The following IQSEC1 variants were observed in gnomAD, a reference collection of about 807,000 sequenced individuals.
IQSEC1 encodes the protein IQ motif and Sec7 domain ArfGEF 1.
Under a neutral mutation model 91.0 loss-of-function variants are expected in IQSEC1, and 31 were observed. That is an observed-to-expected ratio of 0.34 (90% CI 0.26 to 0.46). The LOEUF (loss-of-function observed/expected upper bound fraction) is 0.46. Among genes scored for constraint, IQSEC1 ranks in the 20% least tolerant of loss-of-function variants. The pLI is 1.00. For missense variants in IQSEC1, 1,388 were observed against 1,575.6 expected, an observed-to-expected ratio of 0.88 and a Z score of 2.02; for synonymous variants, 699 against 662.6, an observed-to-expected ratio of 1.05 and a Z score of -0.84.
intron 1 of IQSEC1, among the ~76,000 whole-genome samples, chr3:13,054,308 A>G (rs961610034): frequency 6.6e-6 from 1 of 152,146 alleles, no homozygotes; most frequent in Non-Finnish European, 1.5e-5. Flanking sequence ...GACCAACAAC[A>G]CACTCCTACC....
At chr3:12,928,002 C>A (rs545561967) in intron 3 of IQSEC1, among the ~76,000 whole-genome samples, 1 of 152,098 alleles carries the variant, frequency 6.6e-6, no homozygotes, top group South Asian at 2.1e-4. Flanking sequence ...GGCTTTCTCC[C>A]GAGTGGGCTG....
At chr3:13,073,590 G>GGCGGGGC (rs1705508721), upstream of IQSEC1, among the ~76,000 whole-genome samples, 1 of 151,718 alleles carries the variant, frequency 6.6e-6, no homozygotes. Context: ...TCACACACCC[G>GGCGGGGC]GCGGGGCGCG....
At chr3:13,252,059 A>G (rs1695202448) in intron 1 of IQSEC1, among the ~76,000 whole-genome samples, 1 of 152,146 alleles carries the variant, frequency 6.6e-6, no homozygotes. Flanking sequence ...CACAAAACGT[A>G]TCATCTTACT....
At chr3:12,990,853 C>A (rs181454886) in intron 1 of IQSEC1, among the ~76,000 whole-genome samples, 1 of 152,164 alleles carries the variant, frequency 6.6e-6, no homozygotes, top group African/African-American at 2.4e-5. Flanking sequence ...GTTTTGCAGA[C>A]GAAATGGGAA....
intron 2 of IQSEC1, among the ~76,000 whole-genome samples, chr3:13,132,025 G>C (rs1706628904): frequency 6.6e-6 from 1 of 152,132 alleles, no homozygotes; most frequent in African/African-American, 2.4e-5. Context: ...TTCTCTTTAT[G>C]TGGGTAATAT....
At chr3:13,005,374 G>A (rs1287588826) in intron 1 of IQSEC1, among the ~76,000 whole-genome samples, 2 of 152,182 alleles carry the variant, frequency 1.3e-5, no homozygotes, top group Admixed American at 6.5e-5. Flanking sequence ...AGGGGATCTG[G>A]GGGCCCAGAG....
intron 2 of IQSEC1, among the ~76,000 whole-genome samples, chr3:13,130,341 CAAAAAAA>C (rs58162524): frequency 1.5e-4 from 9 of 61,880 alleles, no homozygotes; most frequent in East Asian, 1.2e-3. Flanking sequence ...GAGACTCTGT[CAAAAAAA>C]AAAAAAAAAA....
chr3:13,019,089 G>A lies in IQSEC1; in HGVS notation c.23+53903C>T, dbSNP rs965736093. Among the ~76,000 whole-genome samples, 7 of 152,246 alleles carry A rather than the reference G, an allele frequency of 4.6e-5. No individual in the cohort carries two copies. The South Asian group carries it at 6.2e-4, about 14-fold the overall frequency. ...ATGGCTCCCCCCCAACTCTACAGGC[G>A]AGGAAACAAGCCCAGAGAGGTTTAG... is the stretch of plus-strand genomic sequence containing the variant. On this transcript the variant is annotated intron_variant, in intron 1 of 13. Transcript: ENST00000613206.
At chr3:13,163,673 G>T (rs1693395360) in intron 2 of IQSEC1, among the ~76,000 whole-genome samples, 1 of 152,172 alleles carries the variant, frequency 6.6e-6, no homozygotes, top group South Asian at 2.1e-4. Flanking sequence ...AGACACCCCT[G>T]CATTGTTAGA....
chr3:13,124,316 A>G (rs1277518925), intron 2 of IQSEC1, among the ~76,000 whole-genome samples: 2 of 152,114 alleles, frequency 1.3e-5, no homozygotes, highest in Non-Finnish European at 2.9e-5. Flanking sequence ...GCTCACCAAC[A>G]TTGCTTATGC....
At chr3:13,045,823 C>T (rs927723004) in intron 1 of IQSEC1, among the ~76,000 whole-genome samples, 4 of 152,240 alleles carry the variant, frequency 2.6e-5, no homozygotes, top group African/African-American at 4.8e-5. Flanking sequence ...CACCCTGACA[C>T]AGGAACCCAC....
intron 2 of IQSEC1, among the ~76,000 whole-genome samples, chr3:13,150,556 G>C (rs1706978285): frequency 6.6e-6 from 1 of 152,182 alleles, no homozygotes. Flanking sequence ...TTCCAAACAA[G>C]CGCCTGCATG....
intron 1 of IQSEC1, among the ~76,000 whole-genome samples, chr3:13,191,402 G>A (rs367704934): frequency 1.3e-5 from 2 of 151,500 alleles, no homozygotes; most frequent in African/African-American, 4.9e-5. Flanking sequence ...GCCGTGTTTC[G>A]GGCACTGCCT....
chr3:13,255,062 A>T (rs1695262892), intron 1 of IQSEC1, among the ~76,000 whole-genome samples: 1 of 152,250 alleles, frequency 6.6e-6, no homozygotes, highest in African/African-American at 2.4e-5. Context: ...CACGTCAGGC[A>T]GCTCTAGAAG....
chr3:12,934,671 C>T (rs756802480), intron 3 of IQSEC1, among the ~76,000 whole-genome samples: 2 of 152,166 alleles, frequency 1.3e-5, no homozygotes, highest in Non-Finnish European at 2.9e-5. Flanking sequence ...GGAGCCTGCA[C>T]GTTCCCCAGG....
intron 1 of IQSEC1, among the ~76,000 whole-genome samples, chr3:13,212,310 A>T (rs1694461252): frequency 1.3e-5 from 2 of 152,194 alleles, no homozygotes; most frequent in South Asian, 4.1e-4. Flanking sequence ...GGCTTCTTGC[A>T]CCTAGCATGT....
chr3:13,104,769 G>A (rs766440031), intron 2 of IQSEC1, among the ~76,000 whole-genome samples: 44 of 152,194 alleles, frequency 2.9e-4, no homozygotes, highest in Non-Finnish European at 6.0e-4. Flanking sequence ...CAACCAACTA[G>A]GTCCTGCCTG....
chr3:13,121,299 G>T (rs12638430), intron 2 of IQSEC1, among the ~76,000 whole-genome samples: 1 of 152,190 alleles, frequency 6.6e-6, no homozygotes, highest in Non-Finnish European at 1.5e-5. Flanking sequence ...GTCACGCCCT[G>T]TGTTACATCT....
Position 13,144,913 on chromosome 3 carries a change from T to G in IQSEC1, c.302+19191A>C, listed in dbSNP as rs1706863159. On this transcript the variant is annotated intron_variant, in intron 2 of 15. Transcript: ENST00000648114. ...TTTTGATGGCGAGAGACTCTGGCCA[T>G]GGCAGGGCTAAGGCGAGGTCCCTGA... Among the ~76,000 whole-genome samples, 5 of 152,192 alleles carry G rather than the reference T, an allele frequency of 3.3e-5. No homozygotes were observed. The South Asian group carries it at 1.0e-3, about 32-fold the overall frequency.
Sources: allele counts gnomAD v4.1 joint callset (sites outside exome capture counted in the v4.1 genomes callset), GRCh38; gene constraint gnomAD v4.1.1; transcripts MANE v1.5; gene names NCBI Gene and HGNC (gene_info 2026-07-23, HGNC 2026-07-21).